The following OCM variants were observed in gnomAD, a reference collection of about 807,000 sequenced individuals.
OCM encodes oncomodulin-1.
In OCM, 18 loss-of-function variants were observed where a neutral mutation model predicts 14.1. That is an observed-to-expected ratio of 1.28 (90% CI 0.88 to 1.89). OCM has a LOEUF of 1.89. Among genes scored for constraint, OCM ranks in the 40% most tolerant of loss-of-function variants. OCM has a pLI of 0.00. For missense variants in OCM, 140 were observed against 137.6 expected (o/e 1.02, Z -0.09); for synonymous variants, 48 against 51.0 (o/e 0.94, Z 0.25).
At chr7:5,863,368 G>A in the OCM span, among the ~76,000 whole-genome samples, 2 of 151,780 alleles carry the variant, frequency 1.3e-5, no homozygotes, top group Non-Finnish European at 1.5e-5. Flanking sequence ...TCCCTTTTTC[G>A]GTTAATATTA....
At chr7:5,871,179 C>A in the OCM span, among the ~76,000 whole-genome samples, 23 of 151,468 alleles carry the variant, frequency 1.5e-4, no homozygotes, top group Non-Finnish European at 2.7e-4. Flanking sequence ...AGAGCCCCCC[C>A]CCCGTCTCTA....
chr7:5,860,825 T>C, the OCM span, among the ~76,000 whole-genome samples: 4 of 142,322 alleles, frequency 2.8e-5, no homozygotes, highest in Non-Finnish European at 4.7e-5. Context: ...TACATATATA[T>C]ACACACACAC....
At chr7:5,864,318 G>A in the OCM span, among the ~76,000 whole-genome samples, 1 of 146,118 alleles carries the variant, frequency 6.8e-6, no homozygotes. Context: ...CTGCACTCCA[G>A]CCTGGGTGAC....
the OCM span, among the ~76,000 whole-genome samples, chr7:5,866,533 G>A: frequency 0.28 from 42,391 of 151,308 alleles, 6,532 homozygotes; most frequent in African/African-American, 0.42. Flanking sequence ...TGAATTTCCT[G>A]CCTCCTTGAT....
the OCM span, among the ~76,000 whole-genome samples, chr7:5,867,355 C>T: frequency 3.9e-5 from 6 of 152,104 alleles, no homozygotes; most frequent in African/African-American, 1.4e-4. Flanking sequence ...TTCTTTGTTC[C>T]TCTGAACATA....
At chr7:5,874,267 A>G in the OCM span, among the ~76,000 whole-genome samples, 3 of 147,636 alleles carry the variant, frequency 2.0e-5, no homozygotes, top group Non-Finnish European at 4.5e-5. Flanking sequence ...CTATTTCCAC[A>G]TCTTCCTCCT....
chr7:5,870,292 T>G, the OCM span, among the ~76,000 whole-genome samples: 1 of 152,062 alleles, frequency 6.6e-6, no homozygotes, highest in African/African-American at 2.4e-5. Flanking sequence ...TAAATTTTTT[T>G]GTAGCGATAG....
the OCM span, among the ~76,000 whole-genome samples, chr7:5,861,350 G>A: frequency 6.6e-6 from 1 of 152,008 alleles, no homozygotes; most frequent in South Asian, 2.1e-4. Flanking sequence ...GAACCCAGGA[G>A]GCGGAGGTTG....
At chr7:5,869,831 A>G in the OCM span, among the ~76,000 whole-genome samples, 3 of 152,082 alleles carry the variant, frequency 2.0e-5, no homozygotes, top group Non-Finnish European at 4.4e-5. Flanking sequence ...TGCCGGGTCC[A>G]TCCTTCCTTC....
the OCM span, among the ~76,000 whole-genome samples, chr7:5,862,554 C>G: frequency 6.6e-6 from 1 of 152,182 alleles, no homozygotes; most frequent in Non-Finnish European, 1.5e-5. Flanking sequence ...TTCCACCTAC[C>G]CTGAGATAAA....
chr7:5,875,296 A>C (rs1233979374), upstream of OCM, among the ~76,000 whole-genome samples: 1 of 151,998 alleles, frequency 6.6e-6, no homozygotes, highest in African/African-American at 2.4e-5. Flanking sequence ...ACCTCAGGTG[A>C]TCTGCCCACC....
At chr7:5,877,638 G>T (rs994605001), upstream of OCM, among the ~76,000 whole-genome samples, 5 of 151,504 alleles carry the variant, frequency 3.3e-5, no homozygotes, top group African/African-American at 1.2e-4. Context: ...GGCCAACATG[G>T]TGAAACCCTC....
chr7:5,878,682 G>C (rs1781146629), upstream of OCM, among the ~76,000 whole-genome samples: 1 of 151,524 alleles, frequency 6.6e-6, no homozygotes, highest in African/African-American at 2.4e-5. Flanking sequence ...AGGAGGCGGA[G>C]CTTGCAGTGA....
the OCM span, among the ~76,000 whole-genome samples, chr7:5,874,065 A>T: frequency 6.4e-3 from 772 of 120,968 alleles, 7 homozygotes; most frequent in African/African-American, 0.018. Flanking sequence ...AAAATAAAAA[A>T]AAAAAAAAAT....
upstream of OCM, among the ~76,000 whole-genome samples, chr7:5,879,642 C>A (rs1323062895): frequency 2.0e-5 from 3 of 151,264 alleles, no homozygotes; most frequent in Non-Finnish European, 2.9e-5. Flanking sequence ...ACTTTGCCAA[C>A]AGGGTTCGTT....
upstream of OCM, among the ~76,000 whole-genome samples, chr7:5,875,052 A>G (rs1354507123): frequency 2.4e-5 from 3 of 127,506 alleles, no homozygotes; most frequent in African/African-American, 6.4e-5. Context: ...ATATATATAT[A>G]TATGTATTTT....
intron 1 of OCM, among the ~76,000 whole-genome samples, chr7:5,881,361 C>G (rs1039915058): frequency 2.0e-5 from 3 of 151,160 alleles, no homozygotes; most frequent in Non-Finnish European, 4.4e-5. Flanking sequence ...TGGCTCACAT[C>G]TGTAATCCCA....
upstream of OCM, among the ~76,000 whole-genome samples, chr7:5,878,269 C>G (rs1781136089): frequency 6.6e-6 from 1 of 151,484 alleles, no homozygotes; most frequent in South Asian, 2.1e-4. Flanking sequence ...GGCCAGTAGT[C>G]AAACTAGTAG....
At chr7:5,878,294 A>G (rs1408201300), upstream of OCM, among the ~76,000 whole-genome samples, 3 of 151,828 alleles carry the variant, frequency 2.0e-5, no homozygotes, top group East Asian at 1.9e-4. Context: ...AGAAAGTACA[A>G]TGATGCTTAC....
Sources: gnomAD v4.1 joint callset for allele counts (sites outside exome capture counted in the v4.1 genomes callset) on GRCh38, gnomAD v4.1.1 for gene constraint, MANE v1.5 for transcripts, NCBI Gene and HGNC (gene_info 2026-07-23, HGNC 2026-07-21) for gene names.